The following CEMIP variants were observed in gnomAD, a reference collection of about 807,000 sequenced individuals.
CEMIP encodes cell migration-inducing and hyaluronan-binding protein.
CEMIP carries 105 observed loss-of-function variants against 156.9 expected under a neutral mutation model. That is an observed-to-expected ratio of 0.67 (90% CI 0.57 to 0.79). The LOEUF (loss-of-function observed/expected upper bound fraction) is 0.79. CEMIP is among the 30% of genes least tolerant of loss of function. The pLI, the probability that CEMIP is intolerant of heterozygous loss-of-function variation, is 0.00. For synonymous variants in CEMIP, 676 were observed against 668.4 expected (o/e 1.01, Z -0.17); for missense variants, 1,457 against 1,769.4 (o/e 0.82, Z 3.17).
rs372467944 is a variant in CEMIP at position 80,780,639 on chromosome 15, G to A, written c.-176+1025G>A. On this transcript the variant is annotated intron_variant, in intron 1 of 29. Transcript: ENST00000394685. ...CCTTTAAAAACTAATCTTCTGATGT[G>A]TGAGCCAGTGCCTGGCTGCAGCCCC... Among the ~76,000 whole-genome samples the A allele has an allele frequency of 8.3e-4, 127 of 152,356 alleles. 1 individual carries two copies. The highest frequency in any genetic ancestry group is 3.0e-3 in the African/African-American group (123 of 41,596).
intron 15 of CEMIP, among the ~76,000 whole-genome samples, chr15:80,920,773 C>G (rs1900442751): frequency 6.6e-6 from 1 of 152,238 alleles, no homozygotes; most frequent in Non-Finnish European, 1.5e-5. Context: ...ATTTTAGAGT[C>G]AATCTCAGAC....
At chr15:80,918,563 A>G (rs973406774) in intron 14 of CEMIP, among the ~76,000 whole-genome samples, 12 of 152,028 alleles carry the variant, frequency 7.9e-5, no homozygotes, top group Non-Finnish European at 7.4e-5. Flanking sequence ...CGGTATGTGG[A>G]TTTTCCAGTG....
At chr15:80,822,908 A>T (rs1229200569) in intron 1 of CEMIP, among the ~76,000 whole-genome samples, 1 of 152,188 alleles carries the variant, frequency 6.6e-6, no homozygotes, top group Admixed American at 6.5e-5. Context: ...GTCAGAAATG[A>T]GAGCCAAATT....
intron 12 of CEMIP, among the ~76,000 whole-genome samples, chr15:80,901,368 T>C (rs1289712200): frequency 6.6e-6 from 1 of 152,118 alleles, no homozygotes; most frequent in Admixed American, 6.5e-5. Flanking sequence ...ACGAGCCACA[T>C]GTGGCTACTT....
intron 1 of CEMIP, among the ~76,000 whole-genome samples, chr15:80,870,291 G>A (rs1898244732): frequency 6.6e-6 from 1 of 152,150 alleles, no homozygotes; most frequent in African/African-American, 2.4e-5. Flanking sequence ...GAACTTCCAG[G>A]TCACCCTGCA....
At chr15:80,860,912 C>G (rs1897968378) in intron 1 of CEMIP, among the ~76,000 whole-genome samples, 1 of 152,168 alleles carries the variant, frequency 6.6e-6, no homozygotes, top group Admixed American at 6.5e-5. Flanking sequence ...CATCTCCTAA[C>G]CCCATTGTCT....
intron 1 of CEMIP, among the ~76,000 whole-genome samples, chr15:80,814,734 GGAGAATGAATGGCTATGA>G (rs1232715909): frequency 1.3e-5 from 2 of 152,198 alleles, no homozygotes; most frequent in Non-Finnish European, 2.9e-5. Flanking sequence ...ACACAGACCT[GGAGAATGAATGGCTATGA>G]GAGAGATTTC....
chr15:80,914,981 T>C (rs893454551), intron 14 of CEMIP, among the ~76,000 whole-genome samples: 15 of 152,138 alleles, frequency 9.9e-5, no homozygotes, highest in African/African-American at 3.6e-4. Flanking sequence ...GAGTCAAAGC[T>C]GTCCTCTTGT....
At chr15:80,920,942 T>C (rs1596192555) in intron 15 of CEMIP, 90 bp from the exon 16 acceptor site, 1 of 1,007,084 alleles carries the variant, frequency 9.9e-7, no homozygotes, top group East Asian at 2.5e-5. Context: ...ATCAGGCCAA[T>C]ATCAGAGTGC....
chr15:80,793,863 G>A (rs938277782), intron 1 of CEMIP, among the ~76,000 whole-genome samples: 3 of 152,170 alleles, frequency 2.0e-5, no homozygotes, highest in Non-Finnish European at 4.4e-5. Flanking sequence ...TAGTGGGATA[G>A]GATGAAAAAC....
In CEMIP at chr15:80,889,097, C is replaced by T. The variant is rs1481891229; in HGVS notation, c.964+301C>T. Among the ~76,000 whole-genome samples the T allele has an allele frequency of 2.0e-5, 3 of 152,270 alleles. No homozygotes were observed. The East Asian group carries it at 5.8e-4, about 29-fold the overall frequency. ...AGGCAATGGCACTGAACAGGAAATG[C>T]AGATAGGAATAGAACCTGCCCTCCA... On this transcript the variant is annotated intron_variant, in intron 9 of 29. Coordinates refer to ENST00000394685, the MANE Select transcript of CEMIP (RefSeq NM_001293298.2).
At chr15:80,888,612 G>T in intron 8 of CEMIP, 89 bp from the exon 9 acceptor site, 1 of 968,474 alleles carries the variant, frequency 1.0e-6, no homozygotes, top group Non-Finnish European at 1.7e-6. Context: ...CAATGCCCAT[G>T]TGCGTAGGGG....
intron 1 of CEMIP, among the ~76,000 whole-genome samples, chr15:80,840,694 G>A (rs1199460601): frequency 6.6e-6 from 1 of 152,208 alleles, no homozygotes; most frequent in African/African-American, 2.4e-5. Context: ...GGGCCCTGCA[G>A]CGCCCGAGTG....
At chr15:80,909,015 G>C in intron 13 of CEMIP, 82 bp from the exon 14 acceptor site, 1 of 1,287,394 alleles carries the variant, frequency 7.8e-7, no homozygotes, top group Non-Finnish European at 1.1e-6. Flanking sequence ...CAATGCCTCT[G>C]CATCTTTGGA....
intron 1 of CEMIP, among the ~76,000 whole-genome samples, chr15:80,867,689 G>A (rs1045524970): frequency 1.3e-4 from 20 of 152,214 alleles, no homozygotes; most frequent in African/African-American, 4.8e-4. Flanking sequence ...AAGTTCCCCA[G>A]GCTTGGGACT....
intron 1 of CEMIP, among the ~76,000 whole-genome samples, chr15:80,790,804 A>G (rs1896062487): frequency 6.6e-6 from 1 of 152,214 alleles, no homozygotes; most frequent in African/African-American, 2.4e-5. Flanking sequence ...TGACCCGCCC[A>G]TTCTTTCTAG....
At chr15:80,786,556 CTGTGTGTGTGTG>C (rs3048927) in intron 1 of CEMIP, among the ~76,000 whole-genome samples, 14 of 140,720 alleles carry the variant, frequency 9.9e-5, no homozygotes, top group South Asian at 4.8e-4. Flanking sequence ...GGATGTCTTG[CTGTGTGTGTGTG>C]TGTGTGTGTG....
chr15:80,911,033 T>A (rs548272506), intron 14 of CEMIP, among the ~76,000 whole-genome samples: 2 of 152,354 alleles, frequency 1.3e-5, no homozygotes, highest in East Asian at 3.9e-4. Flanking sequence ...GTTCTGCCGC[T>A]TACAAGCCAT....
chr15:80,934,829 G>A (rs1901056006), intron 23 of CEMIP, among the ~76,000 whole-genome samples: 1 of 152,212 alleles, frequency 6.6e-6, no homozygotes, highest in African/African-American at 2.4e-5. Context: ...AGGGCAGAGG[G>A]CAGGAAGCTG....
Sources: gnomAD v4.1 joint callset for allele counts (sites outside exome capture counted in the v4.1 genomes callset) on GRCh38, gnomAD v4.1.1 for gene constraint, MANE v1.5 for transcripts, NCBI Gene and HGNC (gene_info 2026-07-23, HGNC 2026-07-21) for gene names.